Variants in CRPPA observed in about 807,000 individuals in gnomAD.
CRPPA encodes CDP-L-ribitol pyrophosphorylase A, also known as D-ribitol-5-phosphate cytidylyltransferase.
Under a neutral mutation model 52.0 loss-of-function variants are expected in CRPPA, and 43 were observed. That is an observed-to-expected ratio of 0.83 (90% CI 0.65 to 1.07). CRPPA has a LOEUF of 1.07. CRPPA is among the 50% of genes least tolerant of loss of function. CRPPA has a pLI of 0.00. For missense variants in CRPPA, 629 were observed against 551.7 expected (o/e 1.14, Z -1.40); for synonymous variants, 250 against 203.5 (o/e 1.23, Z -1.94).
chr7:16,376,383 G>A (rs762941157), intron 2 of CRPPA, 142 bp from the exon 3 acceptor site: 7 of 800,124 alleles, frequency 8.7e-6, no homozygotes, highest in African/African-American at 1.8e-5. Context: ...AAGTGTGATT[G>A]GTTCAAAAAT....
intron 1 of CRPPA, among the ~76,000 whole-genome samples, chr7:16,414,508 C>G (rs779290392): frequency 7.2e-5 from 11 of 152,052 alleles, no homozygotes; most frequent in Admixed American, 2.0e-4. Flanking sequence ...ACAGTAAAAT[C>G]TAGATACATC....
At chr7:16,221,402 A>G (rs1435659705) in intron 8 of CRPPA, among the ~76,000 whole-genome samples, 1 of 152,248 alleles carries the variant, frequency 6.6e-6, no homozygotes, top group East Asian at 1.9e-4. Context: ...CTTCATGTCC[A>G]AAACACCAAC....
intron 5 of CRPPA, among the ~76,000 whole-genome samples, chr7:16,286,064 T>TTTAAAAAA (rs1562608509): frequency 6.7e-5 from 2 of 29,770 alleles, no homozygotes; most frequent in Non-Finnish European, 5.9e-5. Context: ...TATATATATA[T>TTTAAAAAA]ATATATATAT....
chr7:16,231,133 C>CT (rs1782783946), intron 8 of CRPPA, among the ~76,000 whole-genome samples: 1 of 152,144 alleles, frequency 6.6e-6, no homozygotes, highest in African/African-American at 2.4e-5. Context: ...TCACTTCCTT[C>CT]TTTTTCCCTA....
intron 3 of CRPPA, among the ~76,000 whole-genome samples, chr7:16,355,117 A>C (rs1786261295): frequency 6.6e-6 from 1 of 152,212 alleles, no homozygotes; most frequent in Non-Finnish European, 1.5e-5. Flanking sequence ...TCCATGTCGT[A>C]AGAATCAACT....
chr7:16,151,640 A>G (rs1006591677), intron 9 of CRPPA, among the ~76,000 whole-genome samples: 7 of 152,084 alleles, frequency 4.6e-5, no homozygotes, highest in Admixed American at 4.6e-4. Flanking sequence ...GACATTTTGA[A>G]GTGTATTTCT....
In CRPPA at chr7:16,089,847, G is replaced by T. The variant is rs78791023; in HGVS notation, c.*1848C>A. On this transcript the variant is annotated 3_prime_UTR_variant, in exon 10 of 10. Transcript: ENST00000407010. ...ATGTTAACTCAGCCAGCACTCCAGC[G>T]ATCAGGGTGATTTTGCTGTGCCACA... 1.2e-5 allele frequency: 2 copies of T among 164,230 alleles called. No homozygotes were observed. Among genetic ancestry groups the T allele is most frequent in the East Asian group, 1.7e-4 (1 of 5,942 alleles). The allele number at this position is 164,230 out of a possible 1,614,324, so 10.2% of individuals were successfully genotyped here. A position where few individuals can be genotyped will look rare whatever the true frequency, so the allele number is the denominator to read the frequency against.
intron 1 of CRPPA, among the ~76,000 whole-genome samples, chr7:16,416,791 G>A (rs1788205609): frequency 1.3e-5 from 2 of 152,108 alleles, no homozygotes; most frequent in South Asian, 4.2e-4. Flanking sequence ...GCAGTGAGCT[G>A]AAATCCTGCC....
intron 2 of CRPPA, among the ~76,000 whole-genome samples, chr7:16,404,618 CAAAAA>C (rs57602557): frequency 2.0e-5 from 2 of 100,562 alleles, no homozygotes; most frequent in Admixed American, 1.0e-4. Context: ...GTAACACAGG[CAAAAA>C]AAAAAAAAAA....
At chr7:16,164,905 G>T (rs1315206896) in intron 9 of CRPPA, among the ~76,000 whole-genome samples, 1 of 152,084 alleles carries the variant, frequency 6.6e-6, no homozygotes, top group East Asian at 1.9e-4. Flanking sequence ...GCACCTGCCA[G>T]ATGCCAGCCA....
intron 3 of CRPPA, among the ~76,000 whole-genome samples, chr7:16,365,906 A>C (rs1489223800): frequency 2.0e-5 from 3 of 152,250 alleles, no homozygotes; most frequent in African/African-American, 7.2e-5. Flanking sequence ...GAAAAAGATA[A>C]GACACCCAGA....
At chr7:16,148,236 T>A (rs1783011568) in intron 9 of CRPPA, among the ~76,000 whole-genome samples, 1 of 152,114 alleles carries the variant, frequency 6.6e-6, no homozygotes, top group South Asian at 2.1e-4. Context: ...CAACCTCCAA[T>A]TTCTCAAAAA....
chr7:16,374,238 G>A (rs1583557268), intron 3 of CRPPA, among the ~76,000 whole-genome samples: 1 of 152,200 alleles, frequency 6.6e-6, no homozygotes, highest in African/African-American at 2.4e-5. Flanking sequence ...GGGATAAGCT[G>A]GCTTGCTAAG....
intron 2 of CRPPA, among the ~76,000 whole-genome samples, chr7:16,380,437 T>C (rs1261732257): frequency 1.3e-5 from 2 of 152,154 alleles, no homozygotes; most frequent in African/African-American, 4.8e-5. Context: ...TCAAGGATAT[T>C]GGTCTAAAAT....
At chr7:16,294,483 A>T (rs1180451467) in intron 5 of CRPPA, among the ~76,000 whole-genome samples, 2 of 151,568 alleles carry the variant, frequency 1.3e-5, no homozygotes, top group African/African-American at 2.4e-5. Context: ...TTTTTTTTAC[A>T]GTAAGATTTC....
chr7:16,327,466 G>A (rs573467114), intron 3 of CRPPA, among the ~76,000 whole-genome samples: 2 of 151,930 alleles, frequency 1.3e-5, no homozygotes, highest in African/African-American at 2.4e-5. Flanking sequence ...GGTGGCGGGC[G>A]CCTGTAGTCC....
At chr7:16,289,006 GAAAC>G (rs528370384) in intron 5 of CRPPA, among the ~76,000 whole-genome samples, 156 of 151,562 alleles carry the variant, frequency 1.0e-3, no homozygotes, top group Non-Finnish European at 2.0e-3. Flanking sequence ...AATAAAGTGA[GAAAC>G]AAACAAGGAG....
intron 9 of CRPPA, among the ~76,000 whole-genome samples, chr7:16,128,336 T>C (rs997355626): frequency 6.6e-6 from 1 of 152,268 alleles, no homozygotes; most frequent in Admixed American, 6.5e-5. Context: ...TTTTATAATT[T>C]AAAAAAATTC....
intron 6 of CRPPA, among the ~76,000 whole-genome samples, chr7:16,271,293 A>G (rs1341264633): frequency 2.0e-5 from 3 of 152,154 alleles, no homozygotes; most frequent in Non-Finnish European, 4.4e-5. Context: ...AATGTGATGT[A>G]TGAAAACAAG....
Sources: gnomAD v4.1 joint callset for allele counts (sites outside exome capture counted in the v4.1 genomes callset) on GRCh38, gnomAD v4.1.1 for gene constraint, MANE v1.5 for transcripts, NCBI Gene and HGNC (gene_info 2026-07-23, HGNC 2026-07-21) for gene names.